Variants in TAFA5 observed in about 807,000 individuals in gnomAD.
TAFA5 encodes chemokine-like protein TAFA-5.
TAFA5 carries 6 observed loss-of-function variants against 15.3 expected under a neutral mutation model. The ratio of observed to expected loss-of-function variants is 0.39; its 90% confidence interval spans 0.21 to 0.77. The LOEUF is 0.77. Among genes scored for constraint, TAFA5 ranks in the 30% least tolerant of loss-of-function variants. The pLI is 0.41. For missense variants in TAFA5, 161 were observed against 193.1 expected (o/e 0.83, Z 0.98); for synonymous variants, 103 against 80.7 (o/e 1.28, Z -1.48).
At chr22:48,718,418 G>C (rs1385461661) in intron 3 of TAFA5, among the ~76,000 whole-genome samples, 2 of 152,162 alleles carry the variant, frequency 1.3e-5, no homozygotes, top group African/African-American at 4.8e-5. Flanking sequence ...GAGGTGTCTT[G>C]AGGGAGGATC....
chr22:48,747,961 G>A (rs1245950800), intron 3 of TAFA5, among the ~76,000 whole-genome samples: 2 of 151,584 alleles, frequency 1.3e-5, no homozygotes, highest in Admixed American at 6.6e-5. Flanking sequence ...TGACCTTAAC[G>A]TCAGATGGAA....
At chr22:48,534,395 G>T (rs1452617665) in intron 1 of TAFA5, among the ~76,000 whole-genome samples, 3 of 152,226 alleles carry the variant, frequency 2.0e-5, no homozygotes, top group East Asian at 3.9e-4. Context: ...TTCCTCCGGG[G>T]GTCTGCAGAG....
At chr22:48,496,221 T>G (rs1298449808) in intron 1 of TAFA5, among the ~76,000 whole-genome samples, 3 of 152,066 alleles carry the variant, frequency 2.0e-5, no homozygotes, top group Admixed American at 1.3e-4. Flanking sequence ...TCTTCCTTGT[T>G]TTGGGCTGTG....
chr22:48,582,939 A>G (rs1048276387), intron 1 of TAFA5, among the ~76,000 whole-genome samples: 17 of 145,432 alleles, frequency 1.2e-4, no homozygotes, highest in Admixed American at 6.3e-4. Flanking sequence ...CACACGAAAT[A>G]CACCACATGC....
chr22:48,576,153 G>T (rs200506227), intron 1 of TAFA5, among the ~76,000 whole-genome samples: 2 of 143,432 alleles, frequency 1.4e-5, no homozygotes, highest in African/African-American at 5.0e-5. Context: ...GGGCCGCGGC[G>T]GCCGCCCCCC....
Position 48,749,853 on chromosome 22 carries a change from A to G in TAFA5, c.*6A>G. The G allele has an allele frequency of 6.4e-7, 1 of 1,558,772 alleles. No individual in the cohort carries two copies. The highest frequency in any genetic ancestry group is 8.7e-7 in the Non-Finnish European group (1 of 1,150,640). Reference sequence around the variant, plus strand: ...TTGCTCCTCAGGTCTCCTGACAAACACAGCCCCTGAGGGGCCCCGGGAGTG... The same window carrying G: ...TTGCTCCTCAGGTCTCCTGACAAACGCAGCCCCTGAGGGGCCCCGGGAGTG... On this transcript the variant is annotated 3_prime_UTR_variant, in exon 4 of 4. Coordinates refer to ENST00000402357, the MANE Select transcript of TAFA5 (RefSeq NM_001082967.3).
At position 48,709,757 on chromosome 22, in the gene TAFA5, G is replaced by A. The variant is rs2147252815; in HGVS notation, c.390+1913G>A. On this transcript the variant is annotated intron_variant, in intron 3 of 3. Coordinates refer to ENST00000402357, the MANE Select transcript of TAFA5 (RefSeq NM_001082967.3). Reference sequence around the variant, plus strand: ...CTCAGTTCACCGGGGTGGGAAGTCAGGGAGTCCACAGACCCTGTGAGAGCT... The same window carrying A: ...CTCAGTTCACCGGGGTGGGAAGTCAAGGAGTCCACAGACCCTGTGAGAGCT... Among the ~76,000 whole-genome samples, 3 of 152,356 alleles carry A rather than the reference G, an allele frequency of 2.0e-5. 1 individual carries two copies. The highest frequency in any genetic ancestry group is 4.1e-4 in the South Asian group (2 of 4,832).
chr22:48,597,965 G>A (rs1448612562), intron 1 of TAFA5, among the ~76,000 whole-genome samples: 2 of 152,230 alleles, frequency 1.3e-5, no homozygotes, highest in East Asian at 1.9e-4. Context: ...CCATGGTGGG[G>A]GGAGTGTACC....
At chr22:48,634,521 T>G (rs1926373506) in intron 1 of TAFA5, among the ~76,000 whole-genome samples, 1 of 152,072 alleles carries the variant, frequency 6.6e-6, no homozygotes, top group South Asian at 2.1e-4. Context: ...ATTCACTCAT[T>G]CACTTATTCA....
At chr22:48,652,114 T>A (rs1927076502) in intron 2 of TAFA5, among the ~76,000 whole-genome samples, 1 of 152,204 alleles carries the variant, frequency 6.6e-6, no homozygotes, top group Non-Finnish European at 1.5e-5. Context: ...GCGCGTCATC[T>A]CCACCTCGAG....
intron 1 of TAFA5, among the ~76,000 whole-genome samples, chr22:48,607,791 C>T (rs1309630442): frequency 2.0e-5 from 3 of 151,984 alleles, no homozygotes; most frequent in Non-Finnish European, 4.4e-5. Context: ...GAGAGTGGTC[C>T]AGTTCATTAA....
At chr22:48,525,391 G>A (rs1349566202) in intron 1 of TAFA5, among the ~76,000 whole-genome samples, 1 of 152,128 alleles carries the variant, frequency 6.6e-6, no homozygotes, top group African/African-American at 2.4e-5. Context: ...ACCCCGACAG[G>A]TGCCCGCTGC....
intron 2 of TAFA5, among the ~76,000 whole-genome samples, chr22:48,674,971 C>G (rs531112947): frequency 6.6e-6 from 1 of 150,724 alleles, no homozygotes; most frequent in Non-Finnish European, 1.5e-5. Flanking sequence ...GATGGAGTCT[C>G]GCTCTGTCAC....
chr22:48,640,503 G>A (rs1340021393), intron 1 of TAFA5, among the ~76,000 whole-genome samples: 4 of 152,218 alleles, frequency 2.6e-5, no homozygotes, highest in Middle Eastern at 3.4e-3. Flanking sequence ...CCCCTGGGAC[G>A]TGGTCTCCCT....
chr22:48,583,993 C>T (rs1601595227), intron 1 of TAFA5, among the ~76,000 whole-genome samples: 2 of 143,448 alleles, frequency 1.4e-5, no homozygotes, highest in African/African-American at 2.6e-5. Context: ...TATACACCTA[C>T]CCACACATAT....
chr22:48,642,839 CGT>C (rs1372606249), intron 1 of TAFA5, among the ~76,000 whole-genome samples: 1 of 152,040 alleles, frequency 6.6e-6, no homozygotes, highest in Non-Finnish European at 1.5e-5. Flanking sequence ...TGCATGCACA[CGT>C]GTGTGTGAGT....
chr22:48,605,426 G>GTGA (rs1925154083), intron 1 of TAFA5, among the ~76,000 whole-genome samples: 52 of 41,316 alleles, frequency 1.3e-3, no homozygotes, highest in East Asian at 3.2e-3. Flanking sequence ...GAGGATGGTG[G>GTGA]TGGTGGTGGT....
At chr22:48,520,162 C>T (rs1015598027) in intron 1 of TAFA5, among the ~76,000 whole-genome samples, 2 of 152,338 alleles carry the variant, frequency 1.3e-5, no homozygotes, top group South Asian at 2.1e-4. Flanking sequence ...CCACATGTTT[C>T]CCCTGGAGCT....
intron 1 of TAFA5, among the ~76,000 whole-genome samples, chr22:48,540,923 G>A (rs983397621): frequency 3.3e-5 from 5 of 151,598 alleles, no homozygotes; most frequent in African/African-American, 1.2e-4. Flanking sequence ...TTAGAAGCCG[G>A]CCAGGTAACA....
Sources: gnomAD v4.1 joint callset for allele counts (sites outside exome capture counted in the v4.1 genomes callset) on GRCh38, gnomAD v4.1.1 for gene constraint, MANE v1.5 for transcripts, NCBI Gene and HGNC (gene_info 2026-07-23, HGNC 2026-07-21) for gene names.